The following PDZRN4 variants were observed in gnomAD, a reference collection of about 807,000 sequenced individuals.
PDZRN4 encodes PDZ domain containing ring finger 4.
Under a neutral mutation model 99.0 loss-of-function variants are expected in PDZRN4, and 70 were observed. The ratio of observed to expected loss-of-function variants is 0.71; its 90% CI spans 0.58 to 0.86. PDZRN4 has a LOEUF of 0.86. Among genes scored for constraint, PDZRN4 ranks in the 40% least tolerant of loss-of-function variants. The pLI is 0.00. For missense variants in PDZRN4, 1,474 were observed against 1,331.2 expected, an observed-to-expected ratio of 1.11 and a Z score of -1.67; for synonymous variants, 551 against 501.6, an observed-to-expected ratio of 1.10 and a Z score of -1.32.
At chr12:41,304,490 A>G (rs1370366617) in intron 3 of PDZRN4, among the ~76,000 whole-genome samples, 1 of 152,152 alleles carries the variant, frequency 6.6e-6, no homozygotes, top group Non-Finnish European at 1.5e-5. Context: ...GAATTTCAAT[A>G]CCTCAGATAT....
At position 41,419,229 on chromosome 12, in the gene PDZRN4, A is replaced by G. The variant is rs145486715; in HGVS notation, c.844-87227A>G. Among the ~76,000 whole-genome samples, 325 of 152,278 alleles carry G rather than the reference A, an allele frequency of 2.1e-3. 3 individuals carry two copies. Among genetic ancestry groups the G allele is most frequent in the African/African-American group, 6.5e-3 (270 of 41,558 alleles). Reference sequence around the variant, plus strand: ...TAGGATGGCTTCTGTGAGAGTCACCATAAAGCTGGTTGGACAACAAAGTCC... The same window carrying G: ...TAGGATGGCTTCTGTGAGAGTCACCGTAAAGCTGGTTGGACAACAAAGTCC... On this transcript the variant is annotated intron_variant, in intron 3 of 9. Coordinates refer to ENST00000402685, the MANE Select transcript of PDZRN4 (RefSeq NM_001164595.2).
chr12:41,572,259 A>G, intron 9 of PDZRN4, 105 bp from the exon 10 acceptor site: 1 of 877,260 alleles, frequency 1.1e-6, no homozygotes, highest in South Asian at 1.8e-5. Flanking sequence ...ACTGTCTAGG[A>G]GATGCAACTT....
chr12:41,524,602 T>C (rs1447230020), intron 5 of PDZRN4, among the ~76,000 whole-genome samples: 1 of 152,142 alleles, frequency 6.6e-6, no homozygotes, highest in East Asian at 1.9e-4. Context: ...ATGGTGTTTA[T>C]AGAAGACAGG....
At chr12:41,507,261 T>C (rs1938224065) in intron 4 of PDZRN4, among the ~76,000 whole-genome samples, 2 of 152,178 alleles carry the variant, frequency 1.3e-5, no homozygotes, top group South Asian at 4.1e-4. Flanking sequence ...AGAGTAAGTA[T>C]AGTGCTATCA....
intron 3 of PDZRN4, among the ~76,000 whole-genome samples, chr12:41,205,120 A>AT (rs1226237667): frequency 6.6e-6 from 1 of 151,958 alleles, no homozygotes; most frequent in Non-Finnish European, 1.5e-5. Context: ...ATTTTTTATT[A>AT]TGTATTTATT....
intron 3 of PDZRN4, among the ~76,000 whole-genome samples, chr12:41,296,268 A>G (rs1375114802): frequency 6.6e-6 from 1 of 152,200 alleles, no homozygotes; most frequent in Admixed American, 6.5e-5. Flanking sequence ...GGCTTTACCA[A>G]TGCAATTCTG....
intron 5 of PDZRN4, among the ~76,000 whole-genome samples, chr12:41,531,911 T>C (rs1163402975): frequency 6.6e-6 from 1 of 152,212 alleles, no homozygotes; most frequent in African/African-American, 2.4e-5. Context: ...TGCCATAGTA[T>C]TTATGATAAA....
chr12:41,504,704 T>G (rs1807543367), intron 3 of PDZRN4, among the ~76,000 whole-genome samples: 2 of 152,138 alleles, frequency 1.3e-5, no homozygotes, highest in Non-Finnish European at 1.5e-5. Flanking sequence ...CATAGGTGTC[T>G]CATGTCCACA....
At chr12:41,528,436 T>A (rs112278388) in intron 5 of PDZRN4, among the ~76,000 whole-genome samples, 1 of 152,196 alleles carries the variant, frequency 6.6e-6, no homozygotes, top group African/African-American at 2.4e-5. Flanking sequence ...TTTATGTATA[T>A]GAACACATTG....
chr12:41,220,042 G>A (rs1167304212), intron 3 of PDZRN4, among the ~76,000 whole-genome samples: 2 of 152,092 alleles, frequency 1.3e-5, no homozygotes, highest in Admixed American at 6.6e-5. Flanking sequence ...GCAATAAGGA[G>A]AACCTAGAAG....
intron 3 of PDZRN4, among the ~76,000 whole-genome samples, chr12:41,297,665 T>A (rs1334831600): frequency 6.6e-6 from 1 of 152,142 alleles, no homozygotes; most frequent in Non-Finnish European, 1.5e-5. Flanking sequence ...TATAAAATAT[T>A]CCTCTTCAGT....
At chr12:41,338,438 A>G (rs991028346) in intron 3 of PDZRN4, among the ~76,000 whole-genome samples, 1 of 152,084 alleles carries the variant, frequency 6.6e-6, no homozygotes, top group African/African-American at 2.4e-5. Context: ...CATTTTGAAT[A>G]GTATTCAAAA....
chr12:41,192,647 G>A (rs1950742348), intron 2 of PDZRN4, among the ~76,000 whole-genome samples: 1 of 152,078 alleles, frequency 6.6e-6, no homozygotes, highest in South Asian at 2.1e-4. Context: ...TGCTAATACA[G>A]ACTAGGAAGA....
intron 1 of PDZRN4, among the ~76,000 whole-genome samples, chr12:41,191,068 T>C (rs1358723993): frequency 6.6e-6 from 1 of 152,202 alleles, no homozygotes; most frequent in African/African-American, 2.4e-5. Context: ...TTTTACACTA[T>C]TGATAATTTA....
chr12:41,451,594 A>C (rs1952774135), intron 3 of PDZRN4, among the ~76,000 whole-genome samples: 1 of 152,240 alleles, frequency 6.6e-6, no homozygotes, highest in African/African-American at 2.4e-5. Flanking sequence ...ACAAAAAATC[A>C]AACAAAAGAG....
chr12:41,303,747 C>T (rs1158380792), intron 3 of PDZRN4, among the ~76,000 whole-genome samples: 1 of 152,142 alleles, frequency 6.6e-6, no homozygotes, highest in East Asian at 1.9e-4. Context: ...CCACCAAAGG[C>T]TGGTTGCCTT....
Position 41,529,219 on chromosome 12 carries a change from G to A in PDZRN4, c.1203+19306G>A, listed in dbSNP as rs556728385. Reference sequence around the variant, plus strand: ...GAGGAGTGTGCATGCATGTGCACGTGTGTGTGTGTTTGTGTGTGTGTGTGT... The same window carrying A: ...GAGGAGTGTGCATGCATGTGCACGTATGTGTGTGTTTGTGTGTGTGTGTGT... On this transcript the variant is annotated intron_variant, in intron 5 of 9. Coordinates refer to ENST00000402685, the MANE Select transcript of PDZRN4 (RefSeq NM_001164595.2). Among the ~76,000 whole-genome samples, 810 of 96,180 alleles carry A rather than the reference G, an allele frequency of 8.4e-3. 7 individuals are homozygous for A. The highest frequency in any genetic ancestry group is 0.046 in the African/African-American group (755 of 16,442). The allele number at this position is 96,180 out of a possible 152,430, so 63.1% of individuals were successfully genotyped here. A position where few individuals can be genotyped will look rare whatever the true frequency, so the allele number is the denominator to read the frequency against.
intron 8 of PDZRN4, among the ~76,000 whole-genome samples, chr12:41,567,249 T>C (rs1939389787): frequency 6.6e-6 from 1 of 152,184 alleles, no homozygotes; most frequent in Admixed American, 6.5e-5. Context: ...ACAGACAAAA[T>C]AAATGTCTTC....
At chr12:41,342,448 A>G (rs1169963404) in intron 3 of PDZRN4, among the ~76,000 whole-genome samples, 1 of 151,890 alleles carries the variant, frequency 6.6e-6, no homozygotes, top group African/African-American at 2.4e-5. Context: ...AGCAAACTAT[A>G]CGTCTGACAA....
Sources: gnomAD v4.1 joint callset for allele counts (sites outside exome capture counted in the v4.1 genomes callset) on GRCh38, gnomAD v4.1.1 for gene constraint, MANE v1.5 for transcripts, NCBI Gene and HGNC (gene_info 2026-07-23, HGNC 2026-07-21) for gene names.